The following MAGI2 variants were observed in gnomAD, a reference collection of about 807,000 sequenced individuals.
MAGI2 encodes the protein membrane associated guanylate kinase, WW and PDZ domain containing 2.
MAGI2 carries 35 observed loss-of-function variants against 133.3 expected under a neutral mutation model. The ratio of observed to expected loss-of-function variants is 0.26; its 90% CI spans 0.20 to 0.35. The LOEUF is 0.35. Among genes scored for constraint, MAGI2 ranks in the 10% least tolerant of loss-of-function variants. The pLI is 1.00. For synonymous variants in MAGI2, 729 were observed against 710.6 expected, an observed-to-expected ratio of 1.03 and a Z score of -0.41; for missense variants, 1,636 against 1,863.4, an observed-to-expected ratio of 0.88 and a Z score of 2.25.
At chr7:79,316,450 C>T (rs1350952544) in intron 1 of MAGI2, among the ~76,000 whole-genome samples, 1 of 152,096 alleles carries the variant, frequency 6.6e-6, no homozygotes, top group Non-Finnish European at 1.5e-5. Context: ...TATATATACA[C>T]ACACATATAT....
rs1292232144 is a variant in MAGI2, at chr7:78,053,058, GGTT to G, written c.3706+25886_3706+25888del. ...AAAAAAGCAGGTTTCAAAATAAAAT[GGTT>G]ACATTTTTAAAAAGAGAATTATTTT... On this transcript the variant is annotated intron_variant, in intron 21 of 21. Transcript: ENST00000354212. Among the ~76,000 whole-genome samples the G allele has an allele frequency of 2.0e-5, 3 of 152,092 alleles. No homozygotes were observed. The East Asian group carries it at 5.8e-4, about 29-fold the overall frequency.
chr7:78,495,456 A>G (rs187745059), intron 5 of MAGI2, among the ~76,000 whole-genome samples: 41 of 152,340 alleles, frequency 2.7e-4, no homozygotes, highest in African/African-American at 9.6e-4. Context: ...CAATAAAATC[A>G]TCAGGATGAT....
intron 6 of MAGI2, among the ~76,000 whole-genome samples, chr7:78,414,479 T>A (rs1798122875): frequency 6.6e-6 from 1 of 152,040 alleles, no homozygotes; most frequent in South Asian, 2.1e-4. Flanking sequence ...TTCTTTGTAC[T>A]TTATTTTTAA....
intron 21 of MAGI2, among the ~76,000 whole-genome samples, chr7:78,044,706 C>CGTGT (rs556210728): frequency 0.48 from 54,957 of 113,410 alleles, 10,160 homozygotes; most frequent in African/African-American, 0.55. Context: ...TGTGTGTGTG[C>CGTGT]ACGTGTGCAC....
At chr7:78,933,658 G>T (rs1231969408) in intron 2 of MAGI2, among the ~76,000 whole-genome samples, 1 of 152,114 alleles carries the variant, frequency 6.6e-6, no homozygotes, top group South Asian at 2.1e-4. Context: ...CATGATAATA[G>T]TAATGTTGAA....
chr7:78,383,078 G>A (rs1363331061), intron 6 of MAGI2, among the ~76,000 whole-genome samples: 1 of 152,080 alleles, frequency 6.6e-6, no homozygotes, highest in Non-Finnish European at 1.5e-5. Context: ...ACACATGAGT[G>A]TAGGTATCTC....
intron 21 of MAGI2, among the ~76,000 whole-genome samples, chr7:78,064,328 T>TTGTGTGTGTGTGTGTGTGTG (rs3840609): frequency 1.2e-4 from 18 of 148,604 alleles, no homozygotes; most frequent in African/African-American, 3.5e-4. Flanking sequence ...TGTGATGGTT[T>TTGTGTGTGTGTGTGTGTGTG]TGTGTGTGTG....
chr7:78,534,195 A>T (rs2150635846), intron 3 of MAGI2, among the ~76,000 whole-genome samples: 1 of 152,308 alleles, frequency 6.6e-6, no homozygotes, highest in East Asian at 1.9e-4. Flanking sequence ...TTCTGACAAG[A>T]GCTAAAAAGG....
At chr7:78,733,115 G>T (rs1173543527) in intron 2 of MAGI2, among the ~76,000 whole-genome samples, 2 of 152,088 alleles carry the variant, frequency 1.3e-5, no homozygotes, top group East Asian at 3.9e-4. Flanking sequence ...TGAAGGAAAA[G>T]GTACAGAGTA....
intron 1 of MAGI2, among the ~76,000 whole-genome samples, chr7:79,075,197 G>A (rs1815352229): frequency 6.6e-6 from 1 of 152,040 alleles, no homozygotes; most frequent in South Asian, 2.1e-4. Flanking sequence ...TTCCCATTAT[G>A]TCTTATTGAC....
chr7:78,593,297 C>T (rs1376759392), intron 3 of MAGI2, among the ~76,000 whole-genome samples: 5 of 151,988 alleles, frequency 3.3e-5, no homozygotes, highest in African/African-American at 7.3e-5. Flanking sequence ...GAGGCTGAGG[C>T]AGGAGAATGG....
intron 2 of MAGI2, among the ~76,000 whole-genome samples, chr7:78,867,285 C>T (rs1794640585): frequency 6.6e-6 from 1 of 150,746 alleles, no homozygotes; most frequent in African/African-American, 2.4e-5. Flanking sequence ...GACTTGGAAC[C>T]AACCCAAATG....
At chr7:78,856,794 C>G (rs1326926277) in intron 2 of MAGI2, among the ~76,000 whole-genome samples, 1 of 152,130 alleles carries the variant, frequency 6.6e-6, no homozygotes, top group Non-Finnish European at 1.5e-5. Context: ...TGAAGAAAGT[C>G]ATTGGTAGCT....
intron 1 of MAGI2, among the ~76,000 whole-genome samples, chr7:79,138,123 T>G (rs569202409): frequency 9.9e-5 from 15 of 152,178 alleles, no homozygotes; most frequent in Non-Finnish European, 1.8e-4. Context: ...TGACTCTTGA[T>G]TTTAGCCCAT....
At chr7:78,352,589 G>A (rs1349667164) in intron 7 of MAGI2, among the ~76,000 whole-genome samples, 1 of 152,134 alleles carries the variant, frequency 6.6e-6, no homozygotes, top group Non-Finnish European at 1.5e-5. Flanking sequence ...TCATTCACAC[G>A]TTAATTTCTC....
intron 1 of MAGI2, 49 bp downstream of exon 1, chr7:79,452,971 C>T (rs1048259269): frequency 1.7e-5 from 26 of 1,506,392 alleles, no homozygotes; most frequent in African/African-American, 2.8e-5. Flanking sequence ...CCCTGCGCCC[C>T]GAGCGGTCCC....
intron 2 of MAGI2, among the ~76,000 whole-genome samples, chr7:78,945,329 T>C (rs769563147): frequency 2.6e-4 from 39 of 152,310 alleles, no homozygotes; most frequent in Non-Finnish European, 3.7e-4. Context: ...CACAAAGTGC[T>C]GGATTACAGG....
chr7:78,395,676 C>G (rs1372378752), intron 6 of MAGI2, among the ~76,000 whole-genome samples: 1 of 152,160 alleles, frequency 6.6e-6, no homozygotes, highest in Non-Finnish European at 1.5e-5. Context: ...GAATGCTACT[C>G]TAAGAGAAAG....
chr7:78,631,914 A>C (rs1181862364), intron 2 of MAGI2, among the ~76,000 whole-genome samples: 3 of 152,206 alleles, frequency 2.0e-5, no homozygotes, highest in Non-Finnish European at 2.9e-5. Context: ...TGTAAACTCT[A>C]GTTTTCTTAT....
Sources: gnomAD v4.1 joint callset for allele counts (sites outside exome capture counted in the v4.1 genomes callset) on GRCh38, gnomAD v4.1.1 for gene constraint, MANE v1.5 for transcripts, NCBI Gene and HGNC (gene_info 2026-07-23, HGNC 2026-07-21) for gene names.